The following DCLK1 variants were observed in gnomAD, a reference collection of about 807,000 sequenced individuals.
DCLK1 encodes doublecortin like kinase 1, also known as serine/threonine-protein kinase DCLK1.
Under a neutral mutation model 86.2 loss-of-function variants are expected in DCLK1, and 16 were observed. That is an observed-to-expected ratio of 0.19 (90% CI 0.13 to 0.28). DCLK1 has a LOEUF of 0.28. Ranked by LOEUF, DCLK1 falls within the 10% of genes least tolerant of loss-of-function variation. The pLI, the probability that DCLK1 is intolerant of heterozygous loss-of-function variation, is 1.00. For synonymous variants in DCLK1, 369 were observed against 370.5 expected, an observed-to-expected ratio of 1.00 and a Z score of 0.05; for missense variants, 590 against 940.2, an observed-to-expected ratio of 0.63 and a Z score of 4.87.
At chr13:35,968,700 C>T (rs1878903950) in intron 3 of DCLK1, among the ~76,000 whole-genome samples, 1 of 152,050 alleles carries the variant, frequency 6.6e-6, no homozygotes, top group African/African-American at 2.4e-5. Context: ...GGTACTGACA[C>T]ACCAAGTTTC....
intron 3 of DCLK1, among the ~76,000 whole-genome samples, chr13:36,054,599 G>T (rs1255022752): frequency 6.6e-6 from 1 of 152,042 alleles, no homozygotes; most frequent in Non-Finnish European, 1.5e-5. Context: ...AGTCACAAAT[G>T]AACAATAAAG....
intron 3 of DCLK1, among the ~76,000 whole-genome samples, chr13:36,093,992 G>T (rs573927637): frequency 7.8e-4 from 118 of 152,242 alleles, no homozygotes; most frequent in African/African-American, 2.8e-3. Context: ...GGACTCCAGT[G>T]ATCCTCCTGC....
intron 3 of DCLK1, among the ~76,000 whole-genome samples, chr13:35,964,967 T>G (rs1033608867): frequency 6.6e-6 from 1 of 152,174 alleles, no homozygotes; most frequent in Non-Finnish European, 1.5e-5. Context: ...AGAGATCATA[T>G]GGTTCACAAA....
chr13:35,938,553 C>T lies in DCLK1; in HGVS notation c.823+8805G>A, dbSNP rs569976235. Among the ~76,000 whole-genome samples, 6 of 151,782 alleles carry T rather than the reference C, an allele frequency of 4.0e-5. No individual in the cohort carries two copies. The South Asian group carries it at 8.3e-4, about 21-fold the overall frequency. ...CTGAGGCAGGAGAATCACTTGAACC[C>T]GGGAGGCAGAGGTTTCAGTGAGCCA... is the stretch of plus-strand genomic sequence containing the variant. On this transcript the variant is annotated intron_variant, in intron 4 of 16. Coordinates refer to ENST00000360631, the MANE Select transcript of DCLK1 (RefSeq NM_001330071.2).
chr13:35,915,826 CT>C (rs1283815775), intron 4 of DCLK1, among the ~76,000 whole-genome samples: 9 of 152,170 alleles, frequency 5.9e-5, no homozygotes, highest in Non-Finnish European at 1.0e-4. Flanking sequence ...TGAGTTACTA[CT>C]TTACTTATGT....
intron 3 of DCLK1, among the ~76,000 whole-genome samples, chr13:35,984,888 C>A (rs987031343): frequency 7.2e-6 from 1 of 138,196 alleles, no homozygotes; most frequent in Non-Finnish European, 1.6e-5. Context: ...GTGCCCCCAG[C>A]GTGCGCATGC....
intron 6 of DCLK1, chr13:35,849,272 A>T: frequency 1.0e-6 from 1 of 985,348 alleles, no homozygotes; most frequent in South Asian, 4.7e-5. Flanking sequence ...CAGGGAGATA[A>T]ATCAATAACA....
At chr13:35,874,670 G>T (rs953385681) in intron 4 of DCLK1, among the ~76,000 whole-genome samples, 5 of 152,090 alleles carry the variant, frequency 3.3e-5, no homozygotes, top group African/African-American at 1.2e-4. Flanking sequence ...TAAAAGATAG[G>T]AGTAACCAAG....
At chr13:35,956,734 A>G (rs1366981179) in intron 3 of DCLK1, among the ~76,000 whole-genome samples, 2 of 152,204 alleles carry the variant, frequency 1.3e-5, no homozygotes, top group Admixed American at 6.5e-5. Context: ...AACAAAAAAA[A>G]CATCATCAGT....
intron 7 of DCLK1, among the ~76,000 whole-genome samples, chr13:35,837,304 T>A (rs928893454): frequency 1.3e-5 from 2 of 152,222 alleles, no homozygotes; most frequent in Non-Finnish European, 2.9e-5. Flanking sequence ...TGAACAAATG[T>A]AGGACATTTG....
intron 3 of DCLK1, among the ~76,000 whole-genome samples, chr13:35,989,576 C>T (rs1436879920): frequency 6.6e-6 from 1 of 152,036 alleles, no homozygotes; most frequent in Non-Finnish European, 1.5e-5. Context: ...CTGCACCTGA[C>T]CATTATTATT....
intron 3 of DCLK1, among the ~76,000 whole-genome samples, chr13:35,971,315 C>T (rs554329211): frequency 1.8e-4 from 28 of 152,294 alleles, no homozygotes; most frequent in East Asian, 9.7e-4. Context: ...CTCTGGACCC[C>T]GCACAAGAGC....
At chr13:35,853,305 AG>A (rs1275170036) in intron 6 of DCLK1, among the ~76,000 whole-genome samples, 16 of 152,352 alleles carry the variant, frequency 1.1e-4, no homozygotes, top group African/African-American at 3.6e-4. Flanking sequence ...GACCCAGAAA[AG>A]ATAATAGGCT....
rs575404196 is a variant in DCLK1 at position 35,999,152 on chromosome 13, G to A, written c.724-51695C>T. Among the ~76,000 whole-genome samples the A allele has an allele frequency of 3.9e-5, 6 of 152,224 alleles. No individual in the cohort carries two copies. In the East Asian group the frequency reaches 1.2e-3, roughly 29 times the overall value. Reference sequence around the variant, plus strand: ...CACCTGTAGTCCCAGCTACTCAGGAGGCTGAGGCTGGAGAATCACTTGAAC... The same window carrying A: ...CACCTGTAGTCCCAGCTACTCAGGAAGCTGAGGCTGGAGAATCACTTGAAC... On this transcript the variant is annotated intron_variant, in intron 3 of 16. Transcript: ENST00000360631.
intron 4 of DCLK1, among the ~76,000 whole-genome samples, chr13:35,946,888 C>A (rs1007221851): frequency 2.0e-5 from 3 of 152,062 alleles, no homozygotes; most frequent in African/African-American, 7.2e-5. Flanking sequence ...TTTTCTGATA[C>A]CTCACAGATG....
intron 3 of DCLK1, among the ~76,000 whole-genome samples, chr13:36,081,661 C>T (rs1179670855): frequency 1.1e-4 from 16 of 152,254 alleles, no homozygotes; most frequent in Non-Finnish European, 2.9e-5. Flanking sequence ...TCTCTACCTC[C>T]TGCACTCAAC....
At chr13:35,805,250 T>TA (rs2087000947) in intron 15 of DCLK1, 1 of 157,814 alleles carries the variant, frequency 6.3e-6, no homozygotes, top group African/African-American at 2.4e-5. Context: ...TAAGATCCTG[T>TA]AACTGTCCTG....
chr13:35,939,394 T>C (rs1290531466), intron 4 of DCLK1, among the ~76,000 whole-genome samples: 1 of 152,228 alleles, frequency 6.6e-6, no homozygotes, highest in Non-Finnish European at 1.5e-5. Flanking sequence ...TATATTAGTT[T>C]TTCAGTTGTT....
Position 35,958,141 on chromosome 13 carries a change from C to CACCACCATCACTGCTATAACCACCAT in DCLK1, c.724-10685_724-10684insATGGTGGTTATAGCAGTGATGGTGGT, listed in dbSNP as rs1566620655. Among the ~76,000 whole-genome samples the CACCACCATCACTGCTATAACCACCAT allele has an allele frequency of 6.2e-4, 12 of 19,446 alleles. No homozygotes were observed. The East Asian group carries it at 0.017, about 27-fold the overall frequency. 12.8% of individuals were successfully genotyped at this position (19,446 alleles called of 152,430 possible). A position where few individuals can be genotyped will look rare whatever the true frequency, so the allele number is the denominator to read the frequency against. On this transcript the variant is annotated intron_variant, in intron 3 of 16. Coordinates refer to ENST00000360631, the MANE Select transcript of DCLK1 (RefSeq NM_001330071.2). ...ACCACCACTACCACTACTATAACCACCACCACCACCACTATAACCATCACC... is the reference window on the plus strand; with the variant it reads ...ACCACCACTACCACTACTATAACCACACCACCATCACTGCTATAACCACCATCACCACCACCACTATAACCATCACC...
Sources: gnomAD v4.1 joint callset for allele counts (sites outside exome capture counted in the v4.1 genomes callset) on GRCh38, gnomAD v4.1.1 for gene constraint, MANE v1.5 for transcripts, NCBI Gene and HGNC (gene_info 2026-07-23, HGNC 2026-07-21) for gene names.